XPO5: variants seen among roughly 807,000 people sequenced by gnomAD.
XPO5 encodes exportin 5.
In XPO5, 46 loss-of-function variants were observed where a neutral mutation model predicts 160.6. The ratio of observed to expected loss-of-function variants is 0.29; its 90% CI spans 0.23 to 0.37. XPO5 has a LOEUF of 0.37. XPO5 is among the 10% of genes least tolerant of loss of function. The pLI, the probability that XPO5 is intolerant of heterozygous loss-of-function variation, is 1.00. For synonymous variants in XPO5, 537 were observed against 519.3 expected, an observed-to-expected ratio of 1.03 and a Z score of -0.46; for missense variants, 1,090 against 1,463.9, an observed-to-expected ratio of 0.74 and a Z score of 4.17.
At chr6:43,575,064 T>TCA (rs1225539616) in intron 1 of XPO5, among the ~76,000 whole-genome samples, 9 of 152,180 alleles carry the variant, frequency 5.9e-5, no homozygotes, top group Admixed American at 2.0e-4. Context: ...GCAACATAAG[T>TCA]CAGTCCCAAG....
intron 8 of XPO5, among the ~76,000 whole-genome samples, chr6:43,565,385 G>A (rs992346905): frequency 1.3e-4 from 20 of 151,736 alleles, no homozygotes; most frequent in African/African-American, 4.1e-4. Flanking sequence ...CGGTCAGCAC[G>A]GCAAAACCCT....
intron 13 of XPO5, 23 bp from the exon 14 acceptor site, chr6:43,553,526 TACACACACACACAC>T: frequency 1.4e-6 from 2 of 1,447,420 alleles, no homozygotes; most frequent in Non-Finnish European, 1.9e-6. Flanking sequence ...CACACACACA[TACACACACACACAC>T]ACACACACAA....
At position 43,529,270 on chromosome 6, in the gene XPO5, C is replaced by T. The variant is rs111715773; in HGVS notation, c.2678-345G>A. Reference sequence around the variant, plus strand: ...TCAGGTAAGAAAGATTTGCTGGCTGCGGTGGCTCACACCTGTAATCCCAGC... The same window carrying T: ...TCAGGTAAGAAAGATTTGCTGGCTGTGGTGGCTCACACCTGTAATCCCAGC... On this transcript the variant is annotated intron_variant, in intron 23 of 31. Transcript: ENST00000265351. The T allele has an allele frequency of 1.2e-3, 1,588 of 1,345,480 alleles. 14 individuals carry two copies. The African/African-American group carries it at 0.019, about 16-fold the overall frequency. 83.3% of individuals were successfully genotyped at this position (1,345,480 alleles called of 1,614,324 possible). A position where few individuals can be genotyped will look rare whatever the true frequency, so the allele number is the denominator to read the frequency against.
intron 21 of XPO5, among the ~76,000 whole-genome samples, chr6:43,531,865 G>A (rs1794005321): frequency 6.6e-6 from 1 of 152,026 alleles, no homozygotes; most frequent in Non-Finnish European, 1.5e-5. Context: ...TTTCCATAAA[G>A]CTCTGGGGAT....
intron 20 of XPO5, among the ~76,000 whole-genome samples, 159 bp from the exon 21 acceptor site, chr6:43,534,166 G>A (rs1263642170): frequency 6.6e-6 from 1 of 152,160 alleles, no homozygotes; most frequent in Non-Finnish European, 1.5e-5. Context: ...ATGCTCGCTG[G>A]AGGAGGGAAC....
rs1345697412 is a variant in XPO5 at position 43,522,819 on chromosome 6, G to A, written c.*1049C>T. On this transcript the variant is annotated 3_prime_UTR_variant, in exon 32 of 32. Transcript: ENST00000265351. ...TGCCTTACGGCCAGTAATAACCTCA[G>A]GGCCAGGTCCCGTATCCATGTCCTC... The A allele has an allele frequency of 3.1e-5, 11 of 356,144 alleles. No individual in the cohort carries two copies. The highest frequency in any genetic ancestry group is 6.4e-5 in the African/African-American group (3 of 46,830). 22.1% of individuals were successfully genotyped at this position (356,144 alleles called of 1,614,324 possible). A position where few individuals can be genotyped will look rare whatever the true frequency, so the allele number is the denominator to read the frequency against.
chr6:43,536,604 C>T (rs1169431717), intron 20 of XPO5, among the ~76,000 whole-genome samples: 1 of 151,028 alleles, frequency 6.6e-6, no homozygotes, highest in Admixed American at 6.6e-5. Context: ...ACTAAGAATA[C>T]AGAAATTAGC....
chr6:43,523,599 CT>C lies in XPO5; in HGVS notation c.*268del. The C allele has an allele frequency of 3.0e-6, 2 of 666,778 alleles. No individual in the cohort carries two copies. The highest frequency in any genetic ancestry group is 5.7e-6 in the Non-Finnish European group (2 of 353,848). 41.3% of individuals were successfully genotyped at this position (666,778 alleles called of 1,614,324 possible). On this transcript the variant is annotated 3_prime_UTR_variant, in exon 32 of 32. Coordinates refer to ENST00000265351, the MANE Select transcript of XPO5 (RefSeq NM_020750.3). ...GAAGGGCTGCTCTGCTCTAGCTTTT[CT>C]TGGAAAAGCCAAATCTCCAAGTAGA... is the stretch of plus-strand genomic sequence containing the variant.
At position 43,550,998 on chromosome 6, in the gene XPO5, G is replaced by GT. The variant is rs759232724; in HGVS notation, c.1728+299dup. On this transcript the variant is annotated intron_variant, in intron 15 of 31. Coordinates refer to ENST00000265351, the MANE Select transcript of XPO5 (RefSeq NM_020750.3). ...TCCTAAAGAGTGAGGCACTAGCATG[G>GT]TACCTGATCCACAGTAAGTACTGAG... 7.3e-4 allele frequency: 147 copies of GT among 201,386 alleles called. 1 individual carries two copies. Among genetic ancestry groups the GT allele is most frequent in the Non-Finnish European group, 5.8e-4 (58 of 100,162 alleles). 12.5% of individuals were successfully genotyped at this position (201,386 alleles called of 1,614,324 possible).
chr6:43,548,862 T>C (rs1339285083), intron 17 of XPO5, among the ~76,000 whole-genome samples: 2 of 152,088 alleles, frequency 1.3e-5, no homozygotes, highest in Admixed American at 6.6e-5. Flanking sequence ...GGGTTGTGAT[T>C]TGCATCTGCT....
chr6:43,575,763 G>C lies in XPO5; in HGVS notation c.102C>G (p.Leu34=). The part of the protein sequence containing the change: ...NSTQRYRLEA[L]KFCEEFKEKC... The stretch of plus-strand genomic sequence containing the variant: ...AGGACGCCAGGACCCCAGCTACCTT[G>C]AGGGCTTCCAGCCGGTAGCGCTGGG... Residue 34 remains leucine, a synonymous_variant, in exon 1 of 32, where the codon CTC becomes CTG. Transcript: ENST00000265351. 1 of 1,613,028 alleles carries C rather than the reference G, an allele frequency of 6.2e-7. No homozygotes were observed. Among genetic ancestry groups the C allele is most frequent in the Non-Finnish European group, 8.5e-7 (1 of 1,179,370 alleles).
At chr6:43,525,779 G>GT in intron 28 of XPO5, 60 bp downstream of exon 28, 5 of 1,560,308 alleles carry the variant, frequency 3.2e-6, no homozygotes, top group Non-Finnish European at 4.4e-6. Flanking sequence ...AGCAAGAAAA[G>GT]TAAAAGGTGA....
Position 43,527,735 on chromosome 6 carries a change from C to T in XPO5, c.2823-4G>A, listed in dbSNP as rs1357119698. 14 of 1,613,830 alleles carry T rather than the reference C, an allele frequency of 8.7e-6. No individual in the cohort carries two copies. The highest frequency in any genetic ancestry group is 1.2e-5 in the Non-Finnish European group (14 of 1,179,834). On this transcript the variant is annotated splice_polypyrimidine_tract_variant and splice_region_variant and intron_variant, in intron 25 of 31. Transcript: ENST00000265351. ...ATCTGCAGCCTCATCTTCTCCACTG[C>T]AGAAAACCAGGGGGCCAAGTTCCAC...
At position 43,570,861 on chromosome 6, in the gene XPO5, T is replaced by C. The variant is rs1402746472; in HGVS notation, c.434A>G (p.Gln145Arg). 6.2e-7 allele frequency: 1 copy of C among 1,609,950 alleles called. No individual in the cohort carries two copies. The highest frequency in any genetic ancestry group is 8.5e-7 in the Non-Finnish European group (1 of 1,178,696). Reference protein sequence around the residue: ...MLIELDTLSKQGETQTELVMF... With the variant: ...MLIELDTLSKRGETQTELVMF... ...TGATATAGCTGTGTTTCATACCCCT[T>C]GTTTGGAAAGAGTGTCCAATTCTAT... Residue 145 changes from glutamine to arginine, a missense_variant, in exon 4 of 32, where the codon CAA becomes CGA. By Grantham distance (43) the Gln-to-Arg change is conservative. Transcript: ENST00000265351.
intron 15 of XPO5, chr6:43,551,080 TA>T: frequency 2.7e-6 from 1 of 368,344 alleles, no homozygotes; most frequent in Non-Finnish European, 4.8e-6. Context: ...CACATAATTT[TA>T]AAAATAGTTA....
At chr6:43,560,584 C>T (rs555969662) in intron 10 of XPO5, among the ~76,000 whole-genome samples, 2 of 152,292 alleles carry the variant, frequency 1.3e-5, no homozygotes, top group South Asian at 4.1e-4. Flanking sequence ...ATTAGAAGGA[C>T]AATTTTGAAC....
intron 6 of XPO5, 70 bp downstream of exon 6, chr6:43,568,641 C>A: frequency 7.5e-7 from 1 of 1,324,556 alleles, no homozygotes; most frequent in Non-Finnish European, 1.0e-6. Flanking sequence ...GGTCACCATC[C>A]ACTAGGGGCA....
At chr6:43,536,107 C>CA (rs570428008) in intron 20 of XPO5, among the ~76,000 whole-genome samples, 239 of 140,202 alleles carry the variant, frequency 1.7e-3, no homozygotes, top group Middle Eastern at 4.1e-3. Context: ...GACTCCCTCT[C>CA]AAAAAAAAAA....
In XPO5 at chr6:43,523,053, A is replaced by G. The variant is rs1793294894; in HGVS notation, c.*815T>C. 6.1e-6 allele frequency: 1 copy of G among 163,800 alleles called. No individual in the cohort carries two copies. The highest frequency in any genetic ancestry group is 5.9e-5 in the Admixed American group (1 of 16,958). The allele number at this position is 163,800 out of a possible 1,614,324, so 10.1% of individuals were successfully genotyped here. A position where few individuals can be genotyped will look rare whatever the true frequency, so the allele number is the denominator to read the frequency against. ...CACAGATGTAGCCTAGTTGGTCTGT[A>G]TTATCCTTGGATGACAACGGTGTCA... On this transcript the variant is annotated 3_prime_UTR_variant, in exon 32 of 32. Transcript: ENST00000265351.
Sources: gnomAD v4.1 joint callset for allele counts (sites outside exome capture counted in the v4.1 genomes callset) on GRCh38, gnomAD v4.1.1 for gene constraint, MANE v1.5 for transcripts, NCBI Gene and HGNC (gene_info 2026-07-23, HGNC 2026-07-21) for gene names.